PLCB1: variants seen among roughly 807,000 people sequenced by gnomAD.
PLCB1 encodes the protein 1-phosphatidylinositol 4,5-bisphosphate phosphodiesterase beta-1.
Under a neutral mutation model 161.8 loss-of-function variants are expected in PLCB1, and 46 were observed. That is an observed-to-expected ratio of 0.28 (90% CI 0.22 to 0.36). PLCB1 has a LOEUF of 0.36. Among genes scored for constraint, PLCB1 ranks in the 10% least tolerant of loss-of-function variants. The pLI, the probability that PLCB1 is intolerant of heterozygous loss-of-function variation, is 1.00. For missense variants in PLCB1, 1,016 were observed against 1,472.5 expected, an observed-to-expected ratio of 0.69 and a Z score of 5.07; for synonymous variants, 517 against 503.7, an observed-to-expected ratio of 1.03 and a Z score of -0.35.
At chr20:8,214,747 G>T (rs572478348) in intron 2 of PLCB1, among the ~76,000 whole-genome samples, 49 of 151,938 alleles carry the variant, frequency 3.2e-4, no homozygotes, top group Non-Finnish European at 5.0e-4. Flanking sequence ...CCTCTGATGT[G>T]GCCTGCGAGT....
chr20:8,557,488 G>A (rs1986001581), intron 3 of PLCB1, among the ~76,000 whole-genome samples: 1 of 152,008 alleles, frequency 6.6e-6, no homozygotes, highest in African/African-American at 2.4e-5. Flanking sequence ...GAGATAACTA[G>A]AGGAGTCAAA....
chr20:8,165,266 A>C (rs2051663689), intron 2 of PLCB1, among the ~76,000 whole-genome samples: 1 of 152,220 alleles, frequency 6.6e-6, no homozygotes, highest in South Asian at 2.1e-4. Context: ...TAATGGTACC[A>C]TGATAATTTC....
chr20:8,268,895 G>A (rs1056503099), intron 2 of PLCB1, among the ~76,000 whole-genome samples: 2 of 151,544 alleles, frequency 1.3e-5, no homozygotes, highest in Admixed American at 1.3e-4. Context: ...GATACAAAAT[G>A]AGATTAAATT....
intron 2 of PLCB1, among the ~76,000 whole-genome samples, chr20:8,231,135 A>G (rs1980011279): frequency 6.6e-6 from 1 of 152,188 alleles, no homozygotes; most frequent in African/African-American, 2.4e-5. Flanking sequence ...GCCACAATTT[A>G]GATTGTCCCC....
chr20:8,456,279 A>G (rs1006732687), intron 3 of PLCB1, among the ~76,000 whole-genome samples: 17 of 152,336 alleles, frequency 1.1e-4, no homozygotes, highest in Admixed American at 2.6e-4. Context: ...TTGTTACAGG[A>G]GAGATGATAT....
chr20:8,141,643 G>A (rs1483143387), intron 1 of PLCB1, among the ~76,000 whole-genome samples: 1 of 151,052 alleles, frequency 6.6e-6, no homozygotes, highest in Non-Finnish European at 1.5e-5. Flanking sequence ...AAAAAAAAAG[G>A]AGGGGGCAAT....
rs531708900 is a variant in PLCB1, at chr20:8,487,097, G to T, written c.246+115647G>T. On this transcript the variant is annotated intron_variant, in intron 3 of 31. Coordinates refer to ENST00000338037, the MANE Select transcript of PLCB1 (RefSeq NM_015192.4). ...CTATTTTCTTTTTGTATTACAAAAT[G>T]TAAGCAGTGTGAGTTTGTGTGTATA... 3.9e-5 allele frequency among the ~76,000 whole-genome samples: 6 copies of T among 152,314 alleles called. No individual in the cohort carries two copies. In the East Asian group the frequency reaches 1.2e-3, roughly 29 times the overall value.
intron 3 of PLCB1, among the ~76,000 whole-genome samples, chr20:8,473,469 A>G (rs1982142336): frequency 1.3e-5 from 2 of 152,228 alleles, no homozygotes; most frequent in African/African-American, 4.8e-5. Flanking sequence ...TTACAAAACA[A>G]ATAACTGACT....
intron 2 of PLCB1, among the ~76,000 whole-genome samples, chr20:8,221,517 G>GT (rs1409466488): frequency 6.6e-6 from 1 of 152,106 alleles, no homozygotes; most frequent in Non-Finnish European, 1.5e-5. Context: ...TAAAGGCAAG[G>GT]TTTTAAATCT....
intron 2 of PLCB1, among the ~76,000 whole-genome samples, chr20:8,236,425 C>G (rs1044563435): frequency 1.3e-5 from 2 of 151,782 alleles, no homozygotes; most frequent in Non-Finnish European, 2.9e-5. Context: ...TCTAGCTGCT[C>G]GAGAGGCTAA....
chr20:8,804,540 T>C (rs1195764062), intron 31 of PLCB1, among the ~76,000 whole-genome samples: 2 of 152,186 alleles, frequency 1.3e-5, no homozygotes, highest in Non-Finnish European at 2.9e-5. Context: ...ATTTTATATT[T>C]GAAAAAAGAA....
intron 3 of PLCB1, among the ~76,000 whole-genome samples, chr20:8,591,753 C>A (rs1987157123): frequency 6.6e-6 from 1 of 152,102 alleles, no homozygotes; most frequent in Admixed American, 6.6e-5. Flanking sequence ...GATTGTATAC[C>A]TTCCAGGGAC....
intron 26 of PLCB1, among the ~76,000 whole-genome samples, chr20:8,774,032 T>G (rs1016832955): frequency 2.7e-5 from 4 of 148,446 alleles, no homozygotes; most frequent in African/African-American, 1.0e-4. Context: ...GAGGGTTATC[T>G]GCACACGGCA....
chr20:8,428,933 G>T (rs1438609765), intron 3 of PLCB1, among the ~76,000 whole-genome samples: 1 of 152,178 alleles, frequency 6.6e-6, no homozygotes, highest in Non-Finnish European at 1.5e-5. Flanking sequence ...AGTTAATATG[G>T]AATCTGTTGT....
intron 2 of PLCB1, among the ~76,000 whole-genome samples, chr20:8,278,417 A>G (rs1982701212): frequency 6.8e-6 from 1 of 147,894 alleles, no homozygotes; most frequent in African/African-American, 2.5e-5. Context: ...AGACACACAT[A>G]AGAAACAAAT....
At chr20:8,173,120 G>A (rs539519074) in intron 2 of PLCB1, among the ~76,000 whole-genome samples, 1 of 152,270 alleles carries the variant, frequency 6.6e-6, no homozygotes, top group African/African-American at 2.4e-5. Context: ...AGGGTCACCA[G>A]GTTGTACCAG....
chr20:8,347,780 T>G (rs1248977988), intron 2 of PLCB1, among the ~76,000 whole-genome samples: 1 of 152,130 alleles, frequency 6.6e-6, no homozygotes, highest in African/African-American at 2.4e-5. Flanking sequence ...GATGAATTTT[T>G]TAAGTTAAAT....
chr20:8,426,531 T>A (rs993775820), intron 3 of PLCB1, among the ~76,000 whole-genome samples: 1 of 152,162 alleles, frequency 6.6e-6, no homozygotes, highest in African/African-American at 2.4e-5. Flanking sequence ...CAGTTTGTGC[T>A]TCAAAACTTC....
intron 20 of PLCB1, among the ~76,000 whole-genome samples, chr20:8,738,150 A>G (rs561582624): frequency 3.3e-5 from 5 of 152,214 alleles, no homozygotes; most frequent in Non-Finnish European, 7.3e-5. Flanking sequence ...TTATAAAGCA[A>G]TTGTATTTTG....
Sources: gnomAD v4.1 joint callset for allele counts (sites outside exome capture counted in the v4.1 genomes callset) on GRCh38, gnomAD v4.1.1 for gene constraint, MANE v1.5 for transcripts, NCBI Gene and HGNC (gene_info 2026-07-23, HGNC 2026-07-21) for gene names.